Variants in MIGA2 observed in about 807,000 individuals in gnomAD.
MIGA2 encodes the protein mitoguardin 2, also known as family with sequence similarity 73, member B.
In MIGA2, 36 loss-of-function variants were observed where a neutral mutation model predicts 69.9. The ratio of observed to expected loss-of-function variants is 0.52; its 90% CI spans 0.39 to 0.68. The LOEUF is 0.68. MIGA2 is among the 30% of genes least tolerant of loss of function. The pLI is 0.00. For synonymous variants in MIGA2, 333 were observed against 349.2 expected, an observed-to-expected ratio of 0.95 and a Z score of 0.52; for missense variants, 660 against 787.7, an observed-to-expected ratio of 0.84 and a Z score of 1.94.
intron 11 of MIGA2, among the ~76,000 whole-genome samples, chr9:129,065,729 A>G (rs1846306295): frequency 6.6e-6 from 1 of 152,102 alleles, no homozygotes; most frequent in Non-Finnish European, 1.5e-5. Context: ...CAGTAACTGG[A>G]AGCCCCCCAC....
At chr9:129,038,334 G>A (rs557675217) in intron 1 of MIGA2, among the ~76,000 whole-genome samples, 24 of 152,248 alleles carry the variant, frequency 1.6e-4, no homozygotes, top group Non-Finnish European at 2.9e-4. Context: ...TGACTTTGGC[G>A]GCCATCCCAG....
rs767526015 is a variant in MIGA2, at chr9:129,067,824, C to T, written c.1222C>T (p.Arg408Trp). The T allele has an allele frequency of 2.4e-5, 39 of 1,613,096 alleles. No homozygotes were observed. The East Asian group carries it at 2.9e-4, about 12-fold the overall frequency. The change falls in exon 12 of 16, where the codon CGG becomes TGG. Residue 408 changes from arginine (R) to tryptophan (W), a missense_variant. Coordinates refer to ENST00000684074, the MANE Select transcript of MIGA2 (RefSeq NM_001329990.2). Reference sequence around the variant, plus strand: ...CGAGGAGATGCTGAGCTATGCCCTGCGGCCCGAGACCTGGGCCACAACACG... The same window carrying T: ...CGAGGAGATGCTGAGCTATGCCCTGTGGCCCGAGACCTGGGCCACAACACG... Reference protein sequence around the residue: ...SYEEMLSYALRPETWATTRLE... With the variant: ...SYEEMLSYALWPETWATTRLE...
rs1385194115 is a variant in MIGA2, at chr9:129,059,137, C to A, written c.676-17C>A. The A allele has an allele frequency of 1.2e-6, 2 of 1,611,386 alleles. No homozygotes were observed. The highest frequency in any genetic ancestry group is 2.7e-5 in the African/African-American group (2 of 74,864). On this transcript the variant is annotated splice_polypyrimidine_tract_variant and intron_variant, in intron 6 of 15. Transcript: ENST00000684074. This position sits in a 1 kb window ranked among gnomAD's most constrained non-coding sequence, Gnocchi z 5.6. ...AGCTTTGAGGGTCTGGGTTGAGGGT[C>A]CTTGTTTTTATGGCAGCCAGAGTCA... is the stretch of plus-strand genomic sequence containing the variant.
chr9:129,042,293 C>G lies in MIGA2; in HGVS notation c.97-11C>G. 1 of 1,611,310 alleles carries G rather than the reference C, an allele frequency of 6.2e-7. No homozygotes were observed. Among genetic ancestry groups the G allele is most frequent in the Non-Finnish European group, 8.5e-7 (1 of 1,179,210 alleles). On this transcript the variant is annotated splice_polypyrimidine_tract_variant and intron_variant, in intron 2 of 15. Transcript: ENST00000684074. ...GGAGGTGTAACCGGCAGCGTCTCCT[C>G]TTCCCTGCAGTCTGCATTCTCCCAG...
In MIGA2 at chr9:129,068,372, A is replaced by G. The variant is rs369311078; in HGVS notation, c.1404+40A>G. 18 of 1,597,272 alleles carry G rather than the reference A, an allele frequency of 1.1e-5. No individual in the cohort carries two copies. The highest frequency in any genetic ancestry group is 1.5e-5 in the Non-Finnish European group (18 of 1,178,672). ...TGCTCTCAGACCCACACTTGCTCAC[A>G]TCAGCCCGTGTGGTTGCCTGGCTCC... On this transcript the variant is annotated intron_variant, in intron 13 of 15. Coordinates refer to ENST00000684074, the MANE Select transcript of MIGA2 (RefSeq NM_001329990.2). This position sits in a 1 kb window ranked among gnomAD's most constrained non-coding sequence, Gnocchi z 4.1.
intron 3 of MIGA2, among the ~76,000 whole-genome samples, chr9:129,045,521 A>G (rs1360411517): frequency 6.6e-6 from 1 of 150,902 alleles, no homozygotes; most frequent in African/African-American, 2.4e-5. Flanking sequence ...CACTTTGGGA[A>G]GCCAAGTCGG....
rs999515275 is a variant in MIGA2, at chr9:129,068,507, C to T, written c.1404+175C>T. 3.9e-6 allele frequency: 3 copies of T among 764,286 alleles called. No homozygotes were observed. Among genetic ancestry groups the T allele is most frequent in the Non-Finnish European group, 6.1e-6 (3 of 488,562 alleles). The allele number at this position is 764,286 out of a possible 1,614,324, so 47.3% of individuals were successfully genotyped here. ...GCCCTGGAGAAGCCTCCAGGGTGCC[C>T]CGTTGCTGCCTGGTGCCCCAGTTTA... is the stretch of plus-strand genomic sequence containing the variant. On this transcript the variant is annotated intron_variant, in intron 13 of 15. Coordinates refer to ENST00000684074, the MANE Select transcript of MIGA2 (RefSeq NM_001329990.2). The surrounding 1 kb of genome is among the most constrained non-coding windows in gnomAD (Gnocchi z 4.1).
intron 11 of MIGA2, among the ~76,000 whole-genome samples, chr9:129,064,496 C>T (rs1221529406): frequency 2.0e-5 from 3 of 151,144 alleles, no homozygotes; most frequent in African/African-American, 4.8e-5. Flanking sequence ...CATGAGCCAC[C>T]GTGCCTGGCC....
intron 6 of MIGA2, among the ~76,000 whole-genome samples, chr9:129,054,901 C>T (rs1255295529): frequency 6.6e-6 from 1 of 151,886 alleles, no homozygotes; most frequent in African/African-American, 2.4e-5. Flanking sequence ...CCATGTTTAA[C>T]TTTTTTTTAA....
In MIGA2 at chr9:129,059,585, G is replaced by A. The variant is rs1185269087; in HGVS notation, c.793+314G>A. Among the ~76,000 whole-genome samples, 1 of 152,168 alleles carries A rather than the reference G, an allele frequency of 6.6e-6. No homozygotes were observed. The highest frequency in any genetic ancestry group is 6.5e-5 in the Admixed American group (1 of 15,272). ...TCCCTGATGGCTCTCCCAGGCCTTC[G>A]CTTCGAGTCCTTTCCTGTGGCTCAA... is the stretch of plus-strand genomic sequence containing the variant. On this transcript the variant is annotated intron_variant, in intron 7 of 15. Coordinates refer to ENST00000684074, the MANE Select transcript of MIGA2 (RefSeq NM_001329990.2). The surrounding 1 kb of genome is among the most constrained non-coding windows in gnomAD (Gnocchi z 5.6).
Position 129,068,619 on chromosome 9 carries a change from T to C in MIGA2, c.1404+287T>C, listed in dbSNP as rs1846501129. ...TCGATTCCATTTTAATGCATCCTGT[T>C]AAATCAAGTTAAAAGAGGGGAAAGC... On this transcript the variant is annotated intron_variant, in intron 13 of 15. Coordinates refer to ENST00000684074, the MANE Select transcript of MIGA2 (RefSeq NM_001329990.2). This position sits in a 1 kb window ranked among gnomAD's most constrained non-coding sequence, Gnocchi z 4.1. 4.4e-6 allele frequency: 2 copies of C among 453,968 alleles called. No individual in the cohort carries two copies. The highest frequency in any genetic ancestry group is 8.0e-6 in the Non-Finnish European group (2 of 250,406). 28.1% of individuals were successfully genotyped at this position (453,968 alleles called of 1,614,324 possible). A position where few individuals can be genotyped will look rare whatever the true frequency, so the allele number is the denominator to read the frequency against.
At chr9:129,046,580 C>T (rs575459695) in intron 3 of MIGA2, among the ~76,000 whole-genome samples, 1 of 151,714 alleles carries the variant, frequency 6.6e-6, no homozygotes, top group South Asian at 2.1e-4. Flanking sequence ...GCTTCAGCCT[C>T]CCGAGTAGCT....
chr9:129,069,244 C>A lies in MIGA2; in HGVS notation c.1458+115C>A. The A allele has an allele frequency of 7.5e-7, 1 of 1,330,250 alleles. No homozygotes were observed. Among genetic ancestry groups the A allele is most frequent in the Non-Finnish European group, 1.1e-6 (1 of 935,078 alleles). 82.4% of individuals were successfully genotyped at this position (1,330,250 alleles called of 1,614,324 possible). ...CACTTGGCCTTCACCGCTCACAGTC[C>A]TGGCCCCCTTGTTCCGCCGTTACCT... is the stretch of plus-strand genomic sequence containing the variant. On this transcript the variant is annotated intron_variant, in intron 14 of 15. Transcript: ENST00000684074. The surrounding 1 kb of genome is among the most constrained non-coding windows in gnomAD (Gnocchi z 4.9).
intron 3 of MIGA2, among the ~76,000 whole-genome samples, chr9:129,047,711 C>T (rs919994688): frequency 6.6e-6 from 1 of 151,720 alleles, no homozygotes; most frequent in African/African-American, 2.4e-5. Flanking sequence ...CCCAGCCCAT[C>T]CTAAAAAAAT....
chr9:129,039,282 A>G (rs1844772379), intron 1 of MIGA2, among the ~76,000 whole-genome samples: 1 of 144,838 alleles, frequency 6.9e-6, no homozygotes. Flanking sequence ...GTCTCACTCT[A>G]TTGCCCAGGC....
chr9:129,064,582 C>T lies in MIGA2; in HGVS notation c.1170+951C>T, dbSNP rs117502329. 1.6e-4 allele frequency among the ~76,000 whole-genome samples: 24 copies of T among 150,800 alleles called. No individual in the cohort carries two copies. The East Asian group carries it at 4.6e-3, about 29-fold the overall frequency. On this transcript the variant is annotated intron_variant, in intron 11 of 15. Coordinates refer to ENST00000684074, the MANE Select transcript of MIGA2 (RefSeq NM_001329990.2). ...GGACAGATGATTCTAAAACACACATCTGACCTCACTAGCCAGCTGCCTACA... is the reference window on the plus strand; with the variant it reads ...GGACAGATGATTCTAAAACACACATTTGACCTCACTAGCCAGCTGCCTACA...
At chr9:129,039,412 A>G (rs879843602) in intron 1 of MIGA2, among the ~76,000 whole-genome samples, 4 of 150,820 alleles carry the variant, frequency 2.7e-5, no homozygotes, top group Non-Finnish European at 4.4e-5. Context: ...CGCCCGGCTA[A>G]TTTTTTGTAT....
chr9:129,048,332 A>T, intron 3 of MIGA2, 95 bp from the exon 4 acceptor site: 1 of 1,046,554 alleles, frequency 9.6e-7, no homozygotes, highest in Non-Finnish European at 1.5e-6. Flanking sequence ...CGATTCCCAG[A>T]TGAGGAAGAA....
Position 129,070,895 on chromosome 9 carries a change from C to G in MIGA2, c.*442C>G, listed in dbSNP as rs575522804. ...CATCCAGCTGGCCTGTCCTGATGCC[C>G]TCCCCACCTCAACCGCCTTCTCAGA... On this transcript the variant is annotated 3_prime_UTR_variant, in exon 16 of 16. Coordinates refer to ENST00000684074, the MANE Select transcript of MIGA2 (RefSeq NM_001329990.2). The G allele has an allele frequency of 1.2e-5, 2 of 163,574 alleles. No homozygotes were observed. The highest frequency in any genetic ancestry group is 1.7e-4 in the East Asian group (1 of 5,762). 10.1% of individuals were successfully genotyped at this position (163,574 alleles called of 1,614,324 possible).
Sources: allele counts gnomAD v4.1 joint callset (sites outside exome capture counted in the v4.1 genomes callset), GRCh38; gene constraint gnomAD v4.1.1; non-coding constraint Gnocchi (gnomAD v3.1); transcripts MANE v1.5; gene names NCBI Gene and HGNC (gene_info 2026-07-23, HGNC 2026-07-21).